The following KCNIP4 variants were observed in gnomAD, a reference collection of about 807,000 sequenced individuals.
The protein encoded by KCNIP4 is Kv channel-interacting protein 4.
In KCNIP4, 12 loss-of-function variants were observed where a neutral mutation model predicts 34.0. The ratio of observed to expected loss-of-function variants is 0.35; its 90% CI spans 0.23 to 0.57. The LOEUF (loss-of-function observed/expected upper bound fraction) is 0.57, where lower values mean the gene tolerates loss of function less well. Ranked by LOEUF, KCNIP4 falls within the 20% of genes least tolerant of loss-of-function variation. KCNIP4 has a pLI of 0.83. For missense variants in KCNIP4, 238 were observed against 311.7 expected (o/e 0.76, Z 1.78); for synonymous variants, 124 against 102.2 (o/e 1.21, Z -1.29).
chr4:20,926,973 TTC>T, intron 1 of KCNIP4, among the ~76,000 whole-genome samples: 1 of 152,328 alleles, frequency 6.6e-6, no homozygotes, highest in East Asian at 1.9e-4. Context: ...TTTTCTTTCT[TTC>T]TTTCTGTTCT....
chr4:21,821,252 C>T (rs4455402), intron 1 of KCNIP4, among the ~76,000 whole-genome samples: 115,345 of 151,860 alleles, frequency 0.76, 47,045 homozygotes, highest in East Asian at 0.9. Context: ...GAAGCAAGAG[C>T]TTAAAGCAAA....
chr4:21,453,253 A>C (rs948554830), intron 1 of KCNIP4, among the ~76,000 whole-genome samples: 1 of 152,132 alleles, frequency 6.6e-6, no homozygotes, highest in Non-Finnish European at 1.5e-5. Context: ...ATAATGACTT[A>C]AAATTCCAGA....
chr4:21,864,497 T>C (rs1164147481), intron 1 of KCNIP4, among the ~76,000 whole-genome samples: 1 of 152,236 alleles, frequency 6.6e-6, no homozygotes, highest in African/African-American at 2.4e-5. Flanking sequence ...TGTTCATTTG[T>C]GTGACTCATC....
chr4:21,087,845 C>G (rs1746606050), intron 1 of KCNIP4, among the ~76,000 whole-genome samples: 1 of 152,174 alleles, frequency 6.6e-6, no homozygotes, highest in Admixed American at 6.6e-5. Flanking sequence ...TCCAGCCACT[C>G]ATTCTGAATG....
chr4:21,793,186 A>G (rs1291333996), intron 1 of KCNIP4, among the ~76,000 whole-genome samples: 1 of 152,252 alleles, frequency 6.6e-6, no homozygotes, highest in Non-Finnish European at 1.5e-5. Flanking sequence ...CAGCAAATAT[A>G]AGATAGTATC....
At chr4:21,436,140 T>C (rs1325581431) in intron 1 of KCNIP4, among the ~76,000 whole-genome samples, 1 of 152,226 alleles carries the variant, frequency 6.6e-6, no homozygotes, top group Non-Finnish European at 1.5e-5. Context: ...GTTCCTGATG[T>C]CTAATCCAAG....
intron 1 of KCNIP4, chr4:21,304,096 A>AGAGAGAGAGG (rs1712137775): frequency 1.8e-6 from 1 of 565,844 alleles, no homozygotes; most frequent in Admixed American, 4.1e-5. Context: ...ACAGAGAGAG[A>AGAGAGAGAGG]GAGAGAGAGA....
chr4:21,421,348 T>A (rs1725437159), intron 1 of KCNIP4, among the ~76,000 whole-genome samples: 1 of 152,160 alleles, frequency 6.6e-6, no homozygotes, highest in Non-Finnish European at 1.5e-5. Context: ...TTAGTCACAA[T>A]AGCCAGGATT....
At chr4:21,498,150 GT>G (rs1197248018) in intron 1 of KCNIP4, among the ~76,000 whole-genome samples, 3 of 152,048 alleles carry the variant, frequency 2.0e-5, no homozygotes, top group Admixed American at 2.0e-4. Flanking sequence ...CCCGAATATT[GT>G]TTATCTATGG....
chr4:21,203,941 C>T (rs532413181), intron 1 of KCNIP4, among the ~76,000 whole-genome samples: 9 of 152,210 alleles, frequency 5.9e-5, no homozygotes, highest in African/African-American at 1.9e-4. Flanking sequence ...TCCCCTTCTC[C>T]GTCCCAGAAT....
chr4:20,954,349 G>T (rs1244609196), intron 1 of KCNIP4, among the ~76,000 whole-genome samples: 1 of 152,146 alleles, frequency 6.6e-6, no homozygotes, highest in East Asian at 1.9e-4. Context: ...TGAAATCAAT[G>T]TGGTTTTGTG....
intron 1 of KCNIP4, among the ~76,000 whole-genome samples, chr4:21,041,668 A>G (rs942422427): frequency 6.6e-6 from 1 of 152,226 alleles, no homozygotes; most frequent in Non-Finnish European, 1.5e-5. Context: ...AATGACATGC[A>G]AAGAAGCTAA....
intron 1 of KCNIP4, among the ~76,000 whole-genome samples, chr4:21,634,127 T>G (rs1174836497): frequency 6.6e-6 from 1 of 151,238 alleles, no homozygotes; most frequent in Non-Finnish European, 1.5e-5. Context: ...TGATCACATT[T>G]TAAGAATTAC....
chr4:21,788,387 C>T (rs1720049865), intron 1 of KCNIP4, among the ~76,000 whole-genome samples: 1 of 152,136 alleles, frequency 6.6e-6, no homozygotes, highest in Non-Finnish European at 1.5e-5. Context: ...GCATATTCAT[C>T]AAAGATTCAT....
At chr4:21,879,269 C>T (rs954342312) in intron 1 of KCNIP4, among the ~76,000 whole-genome samples, 4 of 152,162 alleles carry the variant, frequency 2.6e-5, no homozygotes, top group African/African-American at 9.7e-5. Flanking sequence ...CATAGTTGAA[C>T]TCTTAGTTGT....
intron 1 of KCNIP4, among the ~76,000 whole-genome samples, chr4:21,586,582 G>T (rs1741634796): frequency 6.6e-6 from 1 of 151,978 alleles, no homozygotes; most frequent in Admixed American, 6.6e-5. Flanking sequence ...AAAAAGAAAA[G>T]CTCCAAGATT....
At chr4:21,917,664 A>G (rs772783019) in intron 1 of KCNIP4, among the ~76,000 whole-genome samples, 1 of 152,212 alleles carries the variant, frequency 6.6e-6, no homozygotes, top group Non-Finnish European at 1.5e-5. Flanking sequence ...TTTCTATTTC[A>G]CAGATACAAT....
chr4:21,362,030 T>A (rs1324368868), intron 1 of KCNIP4, among the ~76,000 whole-genome samples: 1 of 152,048 alleles, frequency 6.6e-6, no homozygotes, highest in African/African-American at 2.4e-5. Context: ...ATTAGATACC[T>A]GCTGGGGTAA....
intron 1 of KCNIP4, among the ~76,000 whole-genome samples, chr4:21,269,589 A>G (rs1205620528): frequency 2.0e-5 from 3 of 151,884 alleles, no homozygotes; most frequent in Non-Finnish European, 4.4e-5. Flanking sequence ...TATGTTTTGT[A>G]GCATCATGTT....
Sources: gnomAD v4.1 joint callset for allele counts (sites outside exome capture counted in the v4.1 genomes callset) on GRCh38, gnomAD v4.1.1 for gene constraint, MANE v1.5 for transcripts, NCBI Gene and HGNC (gene_info 2026-07-23, HGNC 2026-07-21) for gene names.